Variants in SEPTIN9 observed in about 807,000 individuals in gnomAD.
SEPTIN9 encodes the protein septin-9.
In SEPTIN9, 13 loss-of-function variants were observed where a neutral mutation model predicts 56.6. The observed-to-expected ratio is 0.23, with a 90% CI of 0.15 to 0.37. The LOEUF (loss-of-function observed/expected upper bound fraction) is 0.37, where lower values mean the gene tolerates loss of function less well. SEPTIN9 is among the 10% of genes least tolerant of loss of function. SEPTIN9 has a pLI of 1.00. For synonymous variants in SEPTIN9, 332 were observed against 334.1 expected (o/e 0.99, Z 0.07); for missense variants, 650 against 823.1 (o/e 0.79, Z 2.57).
intron 3 of SEPTIN9, among the ~76,000 whole-genome samples, chr17:77,468,137 C>T (rs922350763): frequency 2.6e-5 from 4 of 152,052 alleles, no homozygotes; most frequent in African/African-American, 4.8e-5. Flanking sequence ...TGGTGGCGGG[C>T]GCCTGTAATC....
chr17:77,488,630 G>A (rs2039896028), intron 6 of SEPTIN9, 97 bp from the exon 7 acceptor site: 2 of 1,524,798 alleles, frequency 1.3e-6, no homozygotes, highest in Admixed American at 3.4e-5. Context: ...GCATTTCATT[G>A]GAAGGTGGGG....
At position 77,435,603 on chromosome 17, in the gene SEPTIN9, TCA is replaced by T. The variant is rs2037307703; in HGVS notation, c.721+32905_721+32906del. Among the ~76,000 whole-genome samples, 1 of 152,172 alleles carries T rather than the reference TCA, an allele frequency of 6.6e-6. No individual in the cohort carries two copies. The highest frequency in any genetic ancestry group is 1.5e-5 in the Non-Finnish European group (1 of 68,026). On this transcript the variant is annotated intron_variant, in intron 3 of 11. Coordinates refer to ENST00000427177, the MANE Select transcript of SEPTIN9 (RefSeq NM_001113491.2). This position sits in a 1 kb window ranked among gnomAD's most constrained non-coding sequence, Gnocchi z 4.5. ...GGTCACTCATCAGCACAGCCCAGTC[TCA>T]CACATGTCACTCCCAAAGGATGTTG...
intron 3 of SEPTIN9, among the ~76,000 whole-genome samples, chr17:77,439,898 C>T (rs914712961): frequency 1.3e-5 from 2 of 152,222 alleles, no homozygotes; most frequent in African/African-American, 4.8e-5. Flanking sequence ...ATTGCCCCAT[C>T]TGGTCCCCAT....
chr17:77,466,054 T>TCA (rs10599395), intron 3 of SEPTIN9, among the ~76,000 whole-genome samples: 4,261 of 127,338 alleles, frequency 0.033, 83 homozygotes, highest in Admixed American at 0.051. Context: ...TTCTGGACTG[T>TCA]CACACACACA....
At chr17:77,457,046 C>T (rs1337132488) in intron 3 of SEPTIN9, among the ~76,000 whole-genome samples, 2 of 152,202 alleles carry the variant, frequency 1.3e-5, no homozygotes, top group Non-Finnish European at 2.9e-5. Context: ...CTCTACTTGT[C>T]TTCTTGAATT....
Position 77,487,447 on chromosome 17 carries a change from A to T in SEPTIN9, c.937A>T (p.Thr313Ser). ...VVGQSGLGKS[T>S]LINTLFKSKI... is the part of the protein sequence containing the mutation. Reference sequence around the variant, plus strand: ...AGGGCAGAGCGGCTTGGGTAAATCCACCTTAATCAACACCCTCTTCAAATC... The same window carrying T: ...AGGGCAGAGCGGCTTGGGTAAATCCTCCTTAATCAACACCCTCTTCAAATC... Residue 313 changes from threonine to serine, a missense_variant, in exon 5 of 12, where the codon ACC becomes TCC. This residue lies in a region of SEPTIN9 where 333 missense variants were observed against 494.0 expected (regional missense o/e 0.67). Transcript: ENST00000427177. The surrounding 1 kb of genome is among the most constrained non-coding windows in gnomAD (Gnocchi z 4.3). 1 of 1,606,458 alleles carries T rather than the reference A, an allele frequency of 6.2e-7. No individual in the cohort carries two copies. The highest frequency in any genetic ancestry group is 8.5e-7 in the Non-Finnish European group (1 of 1,177,064).
chr17:77,458,748 G>A (rs538664910), intron 3 of SEPTIN9, among the ~76,000 whole-genome samples: 1 of 152,314 alleles, frequency 6.6e-6, no homozygotes, highest in South Asian at 2.1e-4. Flanking sequence ...GAGCATGCAA[G>A]ATGGGCATTC....
At chr17:77,465,766 TGG>T (rs1186164252) in intron 3 of SEPTIN9, among the ~76,000 whole-genome samples, 2 of 151,810 alleles carry the variant, frequency 1.3e-5, no homozygotes, top group Non-Finnish European at 2.9e-5. Context: ...TGTGGTAGAC[TGG>T]CAGGCCTGGG....
intron 2 of SEPTIN9, among the ~76,000 whole-genome samples, chr17:77,343,210 G>C (rs1025888317): frequency 2.0e-5 from 3 of 152,206 alleles, no homozygotes; most frequent in African/African-American, 7.2e-5. Flanking sequence ...TGATTAGAAG[G>C]CTAGAACTTG....
At chr17:77,496,466 A>G (rs902668105) in intron 10 of SEPTIN9, 10 of 152,208 alleles carry the variant, frequency 6.6e-5, no homozygotes, top group Admixed American at 3.3e-4. Context: ...CCCCACCTCC[A>G]GTGATGCCGT....
chr17:77,499,990 C>T lies in SEPTIN9; in HGVS notation c.*1332C>T. On this transcript the variant is annotated 3_prime_UTR_variant, in exon 12 of 12. Transcript: ENST00000427177. ...GTCCCCACGAGGGGACCCATGGGGG[C>T]TGTCTTTGCAGGGCACAGATGACCA... 4.2e-6 allele frequency: 1 copy of T among 239,000 alleles called. No homozygotes were observed. Among genetic ancestry groups the T allele is most frequent in the Non-Finnish European group, 8.2e-6 (1 of 121,524 alleles). The allele number at this position is 239,000 out of a possible 1,614,324, so 14.8% of individuals were successfully genotyped here.
intron 2 of SEPTIN9, among the ~76,000 whole-genome samples, chr17:77,398,662 C>T (rs952703821): frequency 6.6e-6 from 1 of 152,196 alleles, no homozygotes; most frequent in Admixed American, 6.5e-5. Flanking sequence ...AGATGGACAC[C>T]TCCGGAATGG....
rs892433038 is a variant in SEPTIN9, at chr17:77,487,136, C to T, written c.914-288C>T. Among the ~76,000 whole-genome samples, 1 of 152,212 alleles carries T rather than the reference C, an allele frequency of 6.6e-6. No individual in the cohort carries two copies. Among genetic ancestry groups the T allele is most frequent in the Admixed American group, 6.5e-5 (1 of 15,284 alleles). On this transcript the variant is annotated intron_variant, in intron 4 of 11. Coordinates refer to ENST00000427177, the MANE Select transcript of SEPTIN9 (RefSeq NM_001113491.2). This position sits in a 1 kb window ranked among gnomAD's most constrained non-coding sequence, Gnocchi z 4.3. Reference sequence around the variant, plus strand: ...CCTCCTGTCCAGAAAGCACAAGGGGCACAAGAGATGCCGACTCTCCCAGGC... The same window carrying T: ...CCTCCTGTCCAGAAAGCACAAGGGGTACAAGAGATGCCGACTCTCCCAGGC...
intron 3 of SEPTIN9, among the ~76,000 whole-genome samples, chr17:77,409,682 GA>G (rs1027852076): frequency 3.3e-5 from 5 of 152,186 alleles, no homozygotes; most frequent in African/African-American, 1.2e-4. Context: ...GCAGCTGCCA[GA>G]AGAGAGAGGA....
At chr17:77,312,776 A>G (rs926705567) in intron 2 of SEPTIN9, among the ~76,000 whole-genome samples, 3 of 152,286 alleles carry the variant, frequency 2.0e-5, no homozygotes, top group South Asian at 2.1e-4. Context: ...GGCGAATGCA[A>G]TGTCTCTAGG....
At chr17:77,359,434 C>T (rs992855171) in intron 2 of SEPTIN9, among the ~76,000 whole-genome samples, 20 of 152,194 alleles carry the variant, frequency 1.3e-4, no homozygotes, top group African/African-American at 4.6e-4. Context: ...CAATCAGGAG[C>T]CACAAATGCT....
chr17:77,399,186 A>G (rs986317176), intron 2 of SEPTIN9, among the ~76,000 whole-genome samples: 17 of 152,186 alleles, frequency 1.1e-4, no homozygotes, highest in Admixed American at 2.0e-4. Flanking sequence ...AGCTCACACC[A>G]GGGCAGCCTC....
chr17:77,411,742 A>G (rs1335873632), intron 3 of SEPTIN9, among the ~76,000 whole-genome samples: 4 of 152,154 alleles, frequency 2.6e-5, no homozygotes, highest in African/African-American at 7.2e-5. Context: ...ACTGTGATTG[A>G]GAGGCTGCAA....
chr17:77,462,996 CTG>C (rs1490451413), intron 3 of SEPTIN9, among the ~76,000 whole-genome samples: 1 of 152,140 alleles, frequency 6.6e-6, no homozygotes, highest in Non-Finnish European at 1.5e-5. Flanking sequence ...TCGTGGGAAA[CTG>C]TGACAGAGCA....
Sources: gnomAD v4.1 joint callset for allele counts (sites outside exome capture counted in the v4.1 genomes callset) on GRCh38, gnomAD v4.1.1 for gene constraint, gnomAD v4.1.1 regional missense constraint, Gnocchi (gnomAD v3.1) non-coding constraint, MANE v1.5 for transcripts, NCBI Gene and HGNC (gene_info 2026-07-23, HGNC 2026-07-21) for gene names.